INSYN2A: variants seen among roughly 807,000 people sequenced by gnomAD.
The protein encoded by INSYN2A is inhibitory synaptic factor 2A, also known as family with sequence similarity 196 member A.
A neutral mutation model predicts 39.4 loss-of-function variants in INSYN2A; 17 were observed. The ratio of observed to expected loss-of-function variants is 0.43; its 90% CI spans 0.30 to 0.65. The LOEUF is 0.65. Ranked by LOEUF, INSYN2A falls within the 30% of genes least tolerant of loss-of-function variation. The pLI is 0.14. For synonymous variants in INSYN2A, 255 were observed against 265.7 expected, an observed-to-expected ratio of 0.96 and a Z score of 0.39; for missense variants, 595 against 631.2, an observed-to-expected ratio of 0.94 and a Z score of 0.61.
chr10:127,158,240 T>C (rs2053267029), intron 4 of INSYN2A, among the ~76,000 whole-genome samples: 1 of 152,240 alleles, frequency 6.6e-6, no homozygotes, highest in Non-Finnish European at 1.5e-5. Context: ...AAACAGTACT[T>C]TGAATGATTC....
intron 4 of INSYN2A, among the ~76,000 whole-genome samples, chr10:127,171,570 A>G (rs1030007392): frequency 6.6e-6 from 1 of 152,278 alleles, no homozygotes; most frequent in Non-Finnish European, 1.5e-5. Flanking sequence ...TGCAGATGAA[A>G]TTCTGTTGGA....
At chr10:127,139,056 T>A (rs1228524078) in intron 5 of INSYN2A, among the ~76,000 whole-genome samples, 1 of 152,156 alleles carries the variant, frequency 6.6e-6, no homozygotes, top group Non-Finnish European at 1.5e-5. Context: ...GGGCCAGGCC[T>A]TGGGAGGATT....
chr10:127,140,665 G>C (rs531898251), intron 5 of INSYN2A, among the ~76,000 whole-genome samples: 1 of 152,164 alleles, frequency 6.6e-6, no homozygotes, highest in Admixed American at 6.5e-5. Context: ...TTGACACACC[G>C]AGTCTCTGGG....
chr10:127,138,174 G>T (rs1203458317), intron 5 of INSYN2A, among the ~76,000 whole-genome samples, 154 bp from the exon 6 acceptor site: 1 of 152,168 alleles, frequency 6.6e-6, no homozygotes, highest in Admixed American at 6.5e-5. Flanking sequence ...TTTTAGCTCT[G>T]TGCTCCCGTG....
At chr10:127,189,982 C>T (rs1178630644) in intron 2 of INSYN2A, among the ~76,000 whole-genome samples, 1 of 152,116 alleles carries the variant, frequency 6.6e-6, no homozygotes, top group African/African-American at 2.4e-5. Context: ...CATGCTGGCC[C>T]GATGAACTCT....
At chr10:127,182,759 C>T (rs2055854496) in intron 2 of INSYN2A, among the ~76,000 whole-genome samples, 1 of 152,208 alleles carries the variant, frequency 6.6e-6, no homozygotes, top group South Asian at 2.1e-4. Flanking sequence ...GTAAAAGGAA[C>T]TAATTTCCCT....
At chr10:127,139,273 C>T (rs1046557010) in intron 5 of INSYN2A, among the ~76,000 whole-genome samples, 4 of 152,054 alleles carry the variant, frequency 2.6e-5, no homozygotes, top group Non-Finnish European at 5.9e-5. Context: ...ACAGAAACAG[C>T]CAAGCTATAT....
Position 127,175,224 on chromosome 10 carries a change from G to C in INSYN2A, c.1172C>G (p.Ala391Gly). ...TGAACATACATACCCTTCCCGATGGGCCTCTCCTTTTTCCAACTCCTGAAT... is the reference window on the plus strand; with the variant it reads ...TGAACATACATACCCTTCCCGATGGCCCTCTCCTTTTTCCAACTCCTGAAT... ...GVIQELEKGEAHREGLSYRTG... is the reference protein window; with the variant it reads ...GVIQELEKGEGHREGLSYRTG... The change falls in exon 4 of 6, where the codon GCC becomes GGC. Residue 391 changes from alanine (A) to glycine (G), a missense_variant. Ala to Gly is a moderately conservative substitution (Grantham distance 60). Coordinates refer to ENST00000522781, the MANE Select transcript of INSYN2A (RefSeq NM_001039762.3). This position sits in a 1 kb window ranked among gnomAD's most constrained non-coding sequence, Gnocchi z 6.3. 1 of 1,613,084 alleles carries C rather than the reference G, an allele frequency of 6.2e-7. No individual in the cohort carries two copies. The highest frequency in any genetic ancestry group is 8.5e-7 in the Non-Finnish European group (1 of 1,179,444).
In INSYN2A at chr10:127,153,838, G is replaced by A; in HGVS notation, c.1256+14C>T. On this transcript the variant is annotated intron_variant, in intron 5 of 5. Transcript: ENST00000522781. ...TCATAATAAGAAAGTGGGAAGAGGA[G>A]AATGTTAACATACCTATAGATAATA... 1 of 1,589,946 alleles carries A rather than the reference G, an allele frequency of 6.3e-7. No homozygotes were observed. The highest frequency in any genetic ancestry group is 8.6e-7 in the Non-Finnish European group (1 of 1,158,306).
At position 127,185,530 on chromosome 10, in the gene INSYN2A, C is replaced by A. The variant is rs186412470; in HGVS notation, c.-269+7075G>T. 4.6e-4 allele frequency among the ~76,000 whole-genome samples: 70 copies of A among 152,220 alleles called. 1 individual carries two copies. The highest frequency in any genetic ancestry group is 1.4e-3 in the Admixed American group (21 of 15,294). On this transcript the variant is annotated intron_variant, in intron 2 of 5. Transcript: ENST00000522781. The stretch of plus-strand genomic sequence containing the variant: ...ATCTTAACACTATACATCACAGTAT[C>A]CTTAGAGCTGGGACCTTAGCTGAGA...
rs567646643 is a variant in INSYN2A, at chr10:127,193,252, A to G, written c.-394-522T>C. Among the ~76,000 whole-genome samples, 588 of 152,274 alleles carry G rather than the reference A, an allele frequency of 3.9e-3. 5 individuals are homozygous for G. The highest frequency in any genetic ancestry group is 0.013 in the African/African-American group (550 of 41,556). ...AAAGACTGTTGAAAATGACGATGAC[A>G]CTGGTTTTATCTGGGGAGTTTTTAT... On this transcript the variant is annotated intron_variant, in intron 1 of 5. Coordinates refer to ENST00000522781, the MANE Select transcript of INSYN2A (RefSeq NM_001039762.3).
At chr10:127,162,299 T>A (rs2053655359) in intron 4 of INSYN2A, among the ~76,000 whole-genome samples, 1 of 152,160 alleles carries the variant, frequency 6.6e-6, no homozygotes, top group South Asian at 2.1e-4. Flanking sequence ...TGTGTCCCAA[T>A]TGATTAGTTT....
chr10:127,140,638 A>AAGTCTGTGGGTTGAGTTTGACACACCG (rs2051143919), intron 5 of INSYN2A, among the ~76,000 whole-genome samples: 1 of 147,056 alleles, frequency 6.8e-6, no homozygotes. Context: ...TTGACACACC[A>AAGTCTGTGGGTTGAGTTTGACACACCG]AGTCTCTGGG....
chr10:127,165,513 T>G (rs1400215580), intron 4 of INSYN2A, among the ~76,000 whole-genome samples: 1 of 152,200 alleles, frequency 6.6e-6, no homozygotes, highest in East Asian at 1.9e-4. Context: ...TGCTCGTTGT[T>G]AGATCATTTT....
chr10:127,194,683 G>A (rs965677041), intron 1 of INSYN2A, among the ~76,000 whole-genome samples: 13 of 152,146 alleles, frequency 8.5e-5, no homozygotes, highest in African/African-American at 2.7e-4. Flanking sequence ...ACTGAGATAA[G>A]GCATGGAAAG....
chr10:127,166,645 A>G (rs1228603400), intron 4 of INSYN2A, among the ~76,000 whole-genome samples: 1 of 152,332 alleles, frequency 6.6e-6, no homozygotes, highest in Non-Finnish European at 1.5e-5. Flanking sequence ...GGTCATCTGT[A>G]TGGGGATTCT....
At chr10:127,193,796 T>C (rs920074992) in intron 1 of INSYN2A, among the ~76,000 whole-genome samples, 1 of 152,138 alleles carries the variant, frequency 6.6e-6, no homozygotes, top group African/African-American at 2.4e-5. Context: ...AAATTCCCTT[T>C]CCTGCCACAG....
chr10:127,152,491 C>A (rs2052601478), intron 5 of INSYN2A, among the ~76,000 whole-genome samples: 2 of 152,188 alleles, frequency 1.3e-5, no homozygotes, highest in African/African-American at 4.8e-5. Context: ...TTCCTGCTGC[C>A]AGGAGGCCTT....
intron 2 of INSYN2A, among the ~76,000 whole-genome samples, chr10:127,177,351 C>T (rs770089323): frequency 9.2e-5 from 14 of 152,248 alleles, no homozygotes; most frequent in African/African-American, 1.7e-4. Context: ...TGACTCCTCT[C>T]GGGGAATACC....
Sources: allele counts gnomAD v4.1 joint callset (sites outside exome capture counted in the v4.1 genomes callset), GRCh38; gene constraint gnomAD v4.1.1; non-coding constraint Gnocchi (gnomAD v3.1); transcripts MANE v1.5; gene names NCBI Gene and HGNC (gene_info 2026-07-23, HGNC 2026-07-21).